The following SNTG1 variants were observed in gnomAD, a reference collection of about 807,000 sequenced individuals.
SNTG1 encodes the protein syntrophin gamma 1, also known as gamma-1-syntrophin.
SNTG1 carries 39 observed loss-of-function variants against 74.7 expected under a neutral mutation model. The observed-to-expected ratio is 0.52, with a 90% CI of 0.40 to 0.68. The LOEUF (loss-of-function observed/expected upper bound fraction) is 0.68. Among genes scored for constraint, SNTG1 ranks in the 30% least tolerant of loss-of-function variants. The probability of loss-of-function intolerance (pLI) is 0.00; values close to 1 mark genes in which losing one functional copy is unlikely to be tolerated. For missense variants in SNTG1, 685 were observed against 609.5 expected (o/e 1.12, Z -1.30); for synonymous variants, 254 against 217.1 (o/e 1.17, Z -1.49).
At chr8:50,205,160 G>A (rs1031310019) in intron 2 of SNTG1, among the ~76,000 whole-genome samples, 2 of 152,150 alleles carry the variant, frequency 1.3e-5, no homozygotes, top group African/African-American at 2.4e-5. Flanking sequence ...CTTCCACAAT[G>A]GTTGAACAAG....
intron 1 of SNTG1, among the ~76,000 whole-genome samples, chr8:50,112,519 T>TC (rs900949027): frequency 1.5e-5 from 2 of 130,432 alleles, no homozygotes; most frequent in Non-Finnish European, 3.2e-5. Flanking sequence ...TTCTTTCTTT[T>TC]TTTTTTTTTT....
intron 2 of SNTG1, among the ~76,000 whole-genome samples, chr8:50,389,126 G>A (rs2092618589): frequency 6.6e-6 from 1 of 152,186 alleles, no homozygotes; most frequent in South Asian, 2.1e-4. Context: ...GGCCTGTAGA[G>A]AAACTAGCAT....
intron 13 of SNTG1, among the ~76,000 whole-genome samples, chr8:50,613,667 A>T (rs2094866454): frequency 6.6e-6 from 1 of 152,152 alleles, no homozygotes; most frequent in African/African-American, 2.4e-5. Context: ...GTGAATTGTT[A>T]TATAACTTTT....
At chr8:50,127,411 T>C (rs1179438191) in intron 1 of SNTG1, among the ~76,000 whole-genome samples, 1 of 152,160 alleles carries the variant, frequency 6.6e-6, no homozygotes, top group Non-Finnish European at 1.5e-5. Context: ...TTGAATGACT[T>C]AAGCATTGGG....
chr8:49,916,718 T>A (rs1806069406), intron 1 of SNTG1, among the ~76,000 whole-genome samples: 1 of 152,018 alleles, frequency 6.6e-6, no homozygotes, highest in African/African-American at 2.4e-5. Flanking sequence ...TATAAAACTA[T>A]GAAAAGGCCA....
At chr8:50,208,747 G>A (rs957398722) in intron 2 of SNTG1, among the ~76,000 whole-genome samples, 1 of 152,142 alleles carries the variant, frequency 6.6e-6, no homozygotes, top group South Asian at 2.1e-4. Flanking sequence ...GCTTTTGTAA[G>A]GCAGGCCTGG....
chr8:50,118,041 A>T (rs1430618343), intron 1 of SNTG1, among the ~76,000 whole-genome samples: 1 of 152,170 alleles, frequency 6.6e-6, no homozygotes, highest in Admixed American at 6.6e-5. Flanking sequence ...ATTTTACAGA[A>T]AGCACCTACT....
chr8:50,504,093 T>G (rs1210649648), intron 9 of SNTG1, among the ~76,000 whole-genome samples: 2 of 152,282 alleles, frequency 1.3e-5, no homozygotes, highest in Non-Finnish European at 2.9e-5. Flanking sequence ...TGTGAAGTAT[T>G]TGGTTTTCTG....
intron 17 of SNTG1, among the ~76,000 whole-genome samples, chr8:50,734,967 A>G (rs1389203453): frequency 6.9e-6 from 1 of 144,908 alleles, no homozygotes; most frequent in Non-Finnish European, 1.5e-5. Flanking sequence ...CTATATATCC[A>G]TATATATCTA....
chr8:50,014,421 C>T (rs958454), intron 1 of SNTG1, among the ~76,000 whole-genome samples: 10,348 of 115,340 alleles, frequency 0.09, 1,082 homozygotes, highest in African/African-American at 0.28. Context: ...CGGAGCCTGG[C>T]TGAGAATTTA....
chr8:50,669,710 A>T (rs1286335744), intron 15 of SNTG1, among the ~76,000 whole-genome samples: 1 of 152,200 alleles, frequency 6.6e-6, no homozygotes, highest in African/African-American at 2.4e-5. Flanking sequence ...CATCATCCTG[A>T]TACAAAAGCC....
At chr8:49,929,439 G>T (rs948553644) in intron 1 of SNTG1, among the ~76,000 whole-genome samples, 1 of 152,194 alleles carries the variant, frequency 6.6e-6, no homozygotes, top group Non-Finnish European at 1.5e-5. Context: ...ATTGATTATG[G>T]GTTCCCCGAA....
intron 1 of SNTG1, among the ~76,000 whole-genome samples, chr8:49,974,644 G>A (rs547974037): frequency 1.3e-5 from 2 of 151,778 alleles, no homozygotes; most frequent in Non-Finnish European, 1.5e-5. Flanking sequence ...TGACTTTGTG[G>A]TTCCCTACAT....
Position 50,390,162 on chromosome 8 carries a change from C to A in SNTG1, c.-27-4050C>A, listed in dbSNP as rs184711643. Among the ~76,000 whole-genome samples, 261 of 151,766 alleles carry A rather than the reference C, an allele frequency of 1.7e-3. 2 individuals carry two copies. The highest frequency in any genetic ancestry group is 0.01 in the Middle Eastern group (3 of 294). ...TTTAGATATGAAGTCCTTGTCCATGCCTATGTCCTGAATGGTATTGCCTAG... is the reference window on the plus strand; with the variant it reads ...TTTAGATATGAAGTCCTTGTCCATGACTATGTCCTGAATGGTATTGCCTAG... On this transcript the variant is annotated intron_variant, in intron 2 of 18. Coordinates refer to ENST00000642720, the MANE Select transcript of SNTG1 (RefSeq NM_018967.5).
intron 1 of SNTG1, among the ~76,000 whole-genome samples, chr8:49,921,778 C>T (rs1487303639): frequency 6.6e-6 from 1 of 152,014 alleles, no homozygotes; most frequent in Non-Finnish European, 1.5e-5. Flanking sequence ...TTCTTTTCTC[C>T]ACCTCATTAT....
intron 2 of SNTG1, among the ~76,000 whole-genome samples, chr8:50,254,662 A>G (rs899257975): frequency 6.6e-6 from 1 of 152,112 alleles, no homozygotes; most frequent in Non-Finnish European, 1.5e-5. Flanking sequence ...GCTGGCCAAC[A>G]TGGGGAAACC....
intron 13 of SNTG1, among the ~76,000 whole-genome samples, chr8:50,606,176 C>T (rs978051616): frequency 2.6e-5 from 4 of 152,102 alleles, no homozygotes; most frequent in Non-Finnish European, 4.4e-5. Context: ...GTTAGAAACA[C>T]GTGAACAACT....
chr8:50,460,328 G>A (rs2093548930), intron 8 of SNTG1, among the ~76,000 whole-genome samples: 1 of 152,080 alleles, frequency 6.6e-6, no homozygotes, highest in Admixed American at 6.5e-5. Flanking sequence ...TTTTAACAGG[G>A]TCATTTGTTT....
intron 1 of SNTG1, among the ~76,000 whole-genome samples, chr8:49,949,595 A>G (rs183398949): frequency 5.0e-4 from 76 of 152,276 alleles, no homozygotes; most frequent in Non-Finnish European, 7.1e-4. Context: ...TCATAGATGG[A>G]CTCAGTAATG....
Sources: allele counts gnomAD v4.1 joint callset (sites outside exome capture counted in the v4.1 genomes callset), GRCh38; gene constraint gnomAD v4.1.1; transcripts MANE v1.5; gene names NCBI Gene and HGNC (gene_info 2026-07-23, HGNC 2026-07-21).